Variants in STK33 observed in about 807,000 individuals in gnomAD.
The protein encoded by STK33 is serine/threonine kinase 33.
A neutral mutation model predicts 58.0 loss-of-function variants in STK33; 52 were observed. The observed-to-expected ratio is 0.90, with a 90% CI of 0.72 to 1.13. The LOEUF is 1.13. STK33 is among the 50% of genes most tolerant of loss of function. The pLI is 0.00. For synonymous variants in STK33, 215 were observed against 200.1 expected (o/e 1.07, Z -0.63); for missense variants, 630 against 604.2 (o/e 1.04, Z -0.45).
Position 8,534,558 on chromosome 11 carries a change from CTCTCTCTCTCTGTGTG to C in STK33, c.-465-53960_-465-53945del, listed in dbSNP as rs1204913432. 2.6e-3 allele frequency among the ~76,000 whole-genome samples: 335 copies of C among 130,516 alleles called. 2 individuals carry two copies. Among genetic ancestry groups the C allele is most frequent in the African/African-American group, 9.8e-3 (312 of 31,710 alleles). 85.6% of individuals were successfully genotyped at this position (130,516 alleles called of 152,430 possible). On this transcript the variant is annotated intron_variant, in intron 1 of 15. Coordinates refer to ENST00000687296, the MANE Select transcript of STK33 (RefSeq NM_001352389.2). Reference sequence around the variant, plus strand: ...TCTCTCTCTCTCTCTCTCTCTCTCTCTCTCTCTCTCTGTGTGTGTGTGTGTGTGTGTGTGTGTGTGT... The same window carrying C: ...TCTCTCTCTCTCTCTCTCTCTCTCTCTGTGTGTGTGTGTGTGTGTGTGTGT...
intron 14 of STK33, among the ~76,000 whole-genome samples, chr11:8,421,004 G>T (rs1489999612): frequency 6.6e-6 from 1 of 151,052 alleles, no homozygotes; most frequent in African/African-American, 2.4e-5. Context: ...GGGGAGGGGG[G>T]GAATATTTTT....
At chr11:8,432,313 C>T (rs1226905588) in intron 14 of STK33, among the ~76,000 whole-genome samples, 1 of 151,994 alleles carries the variant, frequency 6.6e-6, no homozygotes, top group African/African-American at 2.4e-5. Context: ...AATACCAAGG[C>T]AATTATCTAA....
the STK33 span, among the ~76,000 whole-genome samples, chr11:8,379,497 AT>A: frequency 3.9e-5 from 6 of 152,192 alleles, no homozygotes; most frequent in East Asian, 1.2e-3. Context: ...ATGAACAGAC[AT>A]TTCTCAAAGG....
chr11:8,548,126 C>T (rs772473418), intron 1 of STK33, among the ~76,000 whole-genome samples: 10 of 150,592 alleles, frequency 6.6e-5, no homozygotes, highest in Non-Finnish European at 1.2e-4. Flanking sequence ...CAAACCTGCA[C>T]GTTGTGCACA....
intron 14 of STK33, among the ~76,000 whole-genome samples, chr11:8,418,908 C>G (rs1590896629): frequency 6.6e-6 from 1 of 152,202 alleles, no homozygotes; most frequent in East Asian, 1.9e-4. Flanking sequence ...AAAGCGTCAT[C>G]TGTTCATGTC....
chr11:8,582,706 G>T (rs1472683588), intron 1 of STK33, among the ~76,000 whole-genome samples: 1 of 152,186 alleles, frequency 6.6e-6, no homozygotes, highest in Non-Finnish European at 1.5e-5. Context: ...TATCAAGTAT[G>T]TATGTGTATA....
intron 1 of STK33, among the ~76,000 whole-genome samples, chr11:8,502,581 C>A (rs1030547154): frequency 6.6e-6 from 1 of 152,086 alleles, no homozygotes; most frequent in East Asian, 1.9e-4. Flanking sequence ...GCAAAGATTT[C>A]ATGATAAAGA....
rs141481620 is a variant in STK33, at chr11:8,479,836, C to G, written c.-261+574G>C. ...CTAGCCTGGGTGACAGAGTAAGACT[C>G]TGTCTCAAAAAAAATAACAAATAAA... On this transcript the variant is annotated intron_variant, in intron 2 of 15. Coordinates refer to ENST00000687296, the MANE Select transcript of STK33 (RefSeq NM_001352389.2). Among the ~76,000 whole-genome samples, 469 of 151,872 alleles carry G rather than the reference C, an allele frequency of 3.1e-3. 4 individuals are homozygous for G. Among genetic ancestry groups the G allele is most frequent in the African/African-American group, 0.011 (453 of 41,240 alleles).
intron 1 of STK33, among the ~76,000 whole-genome samples, chr11:8,492,162 G>C (rs979517814): frequency 6.6e-6 from 1 of 152,038 alleles, no homozygotes; most frequent in African/African-American, 2.4e-5. Context: ...ATGAGATAAA[G>C]AGTCAAGACC....
rs530741283 is a variant in STK33, at chr11:8,519,490, T to C, written c.-465-38876A>G. ...AGCAGAAGGCAAGAAGTAACTAAGATCAGAGCAGAACTGAAGGAGACAGAG... is the reference window on the plus strand; with the variant it reads ...AGCAGAAGGCAAGAAGTAACTAAGACCAGAGCAGAACTGAAGGAGACAGAG... On this transcript the variant is annotated intron_variant, in intron 1 of 15. Coordinates refer to ENST00000687296, the MANE Select transcript of STK33 (RefSeq NM_001352389.2). 2.2e-4 allele frequency among the ~76,000 whole-genome samples: 33 copies of C among 151,880 alleles called. 1 individual carries two copies. The South Asian group carries it at 6.9e-3, about 32-fold the overall frequency.
intron 14 of STK33, among the ~76,000 whole-genome samples, chr11:8,418,253 C>G (rs1941409122): frequency 6.6e-6 from 1 of 152,030 alleles, no homozygotes; most frequent in Admixed American, 6.6e-5. Flanking sequence ...TCCTCCCACC[C>G]TCAAGTAGTC....
In STK33 at chr11:8,454,776, C is replaced by G; in HGVS notation, c.754G>C (p.Asp252His). The G allele has an allele frequency of 6.3e-7, 1 of 1,577,690 alleles. No individual in the cohort carries two copies. The highest frequency in any genetic ancestry group is 8.6e-7 in the Non-Finnish European group (1 of 1,158,860). Residue 252 changes from aspartate to histidine, a missense_variant, in exon 10 of 16, where the codon GAT becomes CAT. Asp to His is a moderately conservative substitution (Grantham distance 81). Coordinates refer to ENST00000687296, the MANE Select transcript of STK33 (RefSeq NM_001352389.2). ...ENIMVKSSLI[D>H]DNNEINLNIK... ...TTTAAGTTTATTTCATTGTTATCAT[C>G]AATAAGACTGCTTTTAACCATTATA...
chr11:8,440,737 A>G lies in STK33; in HGVS notation c.888T>C (p.Ser296=). The G allele has an allele frequency of 1.3e-6, 2 of 1,568,418 alleles. No individual in the cohort carries two copies. The highest frequency in any genetic ancestry group is 8.7e-7 in the Non-Finnish European group (1 of 1,154,530). Residue 296 remains serine, a synonymous_variant, in exon 12 of 16, where the codon AGT becomes AGC. Coordinates refer to ENST00000687296, the MANE Select transcript of STK33 (RefSeq NM_001352389.2). ...CACACTGCTGGCTATAGTCGTGGGC[A>G]CTGATAACTTCAGGGGCTGCCAAAC... ...TPIYMAPEVI[S]AHDYSQQCDI...
intron 1 of STK33, among the ~76,000 whole-genome samples, chr11:8,517,129 A>T (rs1952871795): frequency 6.6e-6 from 1 of 152,198 alleles, no homozygotes; most frequent in African/African-American, 2.4e-5. Flanking sequence ...CCTCTGAGAC[A>T]AAGCTTCCAG....
intron 1 of STK33, among the ~76,000 whole-genome samples, chr11:8,586,822 TAAAAAAAAAAAA>T (rs56064924): frequency 0.021 from 1,660 of 78,262 alleles, 15 homozygotes; most frequent in Non-Finnish European, 0.03. Flanking sequence ...AGACTCTGTC[TAAAAAAAAAAAA>T]AAAAAAAAAA....
At chr11:8,399,255 A>T (rs1186921620) in intron 15 of STK33, among the ~76,000 whole-genome samples, 1 of 152,258 alleles carries the variant, frequency 6.6e-6, no homozygotes, top group Non-Finnish European at 1.5e-5. Flanking sequence ...AAAAGAAATT[A>T]TAACAAACTG....
chr11:8,411,057 TAAGCAGTGGTCTG>T (rs998433598), intron 15 of STK33, among the ~76,000 whole-genome samples: 13 of 152,336 alleles, frequency 8.5e-5, no homozygotes, highest in African/African-American at 3.1e-4. Context: ...ACTACTGCAA[TAAGCAGTGGTCTG>T]CCAAGTGTCT....
At chr11:8,512,570 A>C (rs1308892576) in intron 1 of STK33, among the ~76,000 whole-genome samples, 2 of 152,196 alleles carry the variant, frequency 1.3e-5, no homozygotes, top group African/African-American at 4.8e-5. Flanking sequence ...CAGGAGGTCA[A>C]AATGTTCAGA....
intron 15 of STK33, among the ~76,000 whole-genome samples, chr11:8,400,957 T>C (rs980414436): frequency 1.3e-5 from 2 of 151,916 alleles, no homozygotes; most frequent in Admixed American, 1.3e-4. Context: ...CACTGCTCAA[T>C]GAAATAAAAG....
Sources: gnomAD v4.1 joint callset for allele counts (sites outside exome capture counted in the v4.1 genomes callset) on GRCh38, gnomAD v4.1.1 for gene constraint, MANE v1.5 for transcripts, NCBI Gene and HGNC (gene_info 2026-07-23, HGNC 2026-07-21) for gene names.